The following GRM4 variants were observed in gnomAD, a reference collection of about 807,000 sequenced individuals.
GRM4 encodes glutamate metabotropic receptor 4.
GRM4 carries 28 observed loss-of-function variants against 81.7 expected under a neutral mutation model. The ratio of observed to expected loss-of-function variants is 0.34; its 90% confidence interval spans 0.25 to 0.47. GRM4 has a LOEUF of 0.47. Ranked by LOEUF, GRM4 falls within the 20% of genes least tolerant of loss-of-function variation. The pLI is 1.00. For missense variants in GRM4, 948 were observed against 1,290.0 expected (o/e 0.73, Z 4.06); for synonymous variants, 488 against 528.8 (o/e 0.92, Z 1.06).
In GRM4 at chr6:34,136,595, C is replaced by CAT. The variant is rs1770467949; in HGVS notation, c.-363-2737_-363-2736insAT. Reference sequence around the variant, plus strand: ...ACACACACACACACACACACACACACACACACACACGGGGAAGGACAGATG... The same window carrying CAT: ...ACACACACACACACACACACACACACATACACACACACGGGGAAGGACAGATG... On this transcript the variant is annotated intron_variant, in intron 1 of 10. Coordinates refer to ENST00000538487, the MANE Select transcript of GRM4 (RefSeq NM_000841.4). This position sits in a 1 kb window ranked among gnomAD's most constrained non-coding sequence, Gnocchi z 4.1. Among the ~76,000 whole-genome samples the CAT allele has an allele frequency of 6.6e-6, 1 of 151,626 alleles. No individual in the cohort carries two copies. The highest frequency in any genetic ancestry group is 2.4e-5 in the African/African-American group (1 of 41,254).
intron 6 of GRM4, among the ~76,000 whole-genome samples, chr6:34,046,281 CACAT>C (rs1438573866): frequency 4.6e-5 from 7 of 152,198 alleles, no homozygotes; most frequent in Admixed American, 3.3e-4. Flanking sequence ...TGTCTACACA[CACAT>C]GCATGCTCTA....
intron 2 of GRM4, among the ~76,000 whole-genome samples, chr6:34,097,675 C>A (rs767386464): frequency 6.6e-6 from 1 of 152,196 alleles, no homozygotes; most frequent in Non-Finnish European, 1.5e-5. Flanking sequence ...CCACATCCCA[C>A]ACCATCCAAA....
At chr6:34,119,121 C>G (rs573779477) in intron 2 of GRM4, among the ~76,000 whole-genome samples, 1 of 152,308 alleles carries the variant, frequency 6.6e-6, no homozygotes, top group South Asian at 2.1e-4. Context: ...TGAGGCCGGG[C>G]ACAGTGGATC....
rs188126655 is a variant in GRM4 at position 34,047,335 on chromosome 6, G to T, written c.1169-6587C>A. Among the ~76,000 whole-genome samples the T allele has an allele frequency of 6.6e-6, 1 of 151,990 alleles. No homozygotes were observed. Among genetic ancestry groups the T allele is most frequent in the Non-Finnish European group, 1.5e-5 (1 of 67,990 alleles). On this transcript the variant is annotated intron_variant, in intron 6 of 10. Coordinates refer to ENST00000538487, the MANE Select transcript of GRM4 (RefSeq NM_000841.4). The surrounding 1 kb of genome is among the most constrained non-coding windows in gnomAD (Gnocchi z 4.5). ...ATGCGATGGGCGAGGGATGCCCACC[G>T]CATAGACAGACCCAGACCTAGCCCA...
chr6:34,150,123 C>G (rs375015057), upstream of GRM4, among the ~76,000 whole-genome samples: 7 of 152,304 alleles, frequency 4.6e-5, no homozygotes, highest in South Asian at 2.1e-4. Context: ...CTGTAATCAT[C>G]CCATTTGGAC....
At chr6:34,117,758 C>T (rs1316879766) in intron 2 of GRM4, among the ~76,000 whole-genome samples, 1 of 152,194 alleles carries the variant, frequency 6.6e-6, no homozygotes, top group East Asian at 1.9e-4. Context: ...ATGATAACCG[C>T]TCCAATTAGG....
In GRM4 at chr6:34,146,037, G is replaced by C. The variant is rs892725151; in HGVS notation, c.-401C>G. The C allele has an allele frequency of 9.1e-6, 9 of 985,210 alleles. No homozygotes were observed. The highest frequency in any genetic ancestry group is 5.2e-5 in the African/African-American group (3 of 57,210). 61.0% of individuals were successfully genotyped at this position (985,210 alleles called of 1,614,324 possible). ...GCGGGGACCCCTTCTCACCCCAGAG[G>C]GGGAGGGTCAGGAACATAGCCTCCC... On this transcript the variant is annotated 5_prime_UTR_variant, in exon 1 of 11. Coordinates refer to ENST00000538487, the MANE Select transcript of GRM4 (RefSeq NM_000841.4).
chr6:34,044,935 C>T (rs546052819), intron 6 of GRM4, among the ~76,000 whole-genome samples: 1 of 151,572 alleles, frequency 6.6e-6, no homozygotes, highest in Non-Finnish European at 1.5e-5. Context: ...CACAGACACA[C>T]ACACACATAG....
At chr6:34,124,354 C>T (rs777833648) in intron 2 of GRM4, among the ~76,000 whole-genome samples, 1 of 152,216 alleles carries the variant, frequency 6.6e-6, no homozygotes, top group Non-Finnish European at 1.5e-5. Context: ...AAGGCCCCCC[C>T]ACCAACCCTG....
chr6:34,044,277 T>TACACACAC (rs764242535), intron 6 of GRM4, among the ~76,000 whole-genome samples: 1 of 99,308 alleles, frequency 1.0e-5, no homozygotes, highest in East Asian at 3.3e-4. Flanking sequence ...CATATACACA[T>TACACACAC]ACACACACAC....
Position 34,040,531 on chromosome 6 carries a change from C to CCGCA in GRM4, c.1369+13_1369+16dup, listed in dbSNP as rs760000050. ...CAGGATACCCAGGGTCAGGCACAGT[C>CCGCA]CGCACCACACCCCCACCTGAGAAGT... On this transcript the variant is annotated intron_variant, in intron 7 of 10. Coordinates refer to ENST00000538487, the MANE Select transcript of GRM4 (RefSeq NM_000841.4). 2.5e-6 allele frequency: 4 copies of CCGCA among 1,606,526 alleles called. No homozygotes were observed. In the East Asian group the frequency reaches 9.0e-5, roughly 36 times the overall value.
intron 3 of GRM4, among the ~76,000 whole-genome samples, chr6:34,077,785 T>C (rs2127475894): frequency 6.6e-6 from 1 of 152,320 alleles, no homozygotes; most frequent in Non-Finnish European, 1.5e-5. Context: ...TTCTTAAGGA[T>C]TCAGCTCGGG....
chr6:34,147,432 A>T (rs1020216810), upstream of GRM4, among the ~76,000 whole-genome samples: 1 of 152,206 alleles, frequency 6.6e-6, no homozygotes, highest in Non-Finnish European at 1.5e-5. Flanking sequence ...AGGGAACTCA[A>T]GTTATTCCTG....
chr6:34,118,179 C>T (rs1273217395), intron 2 of GRM4, among the ~76,000 whole-genome samples: 1 of 152,218 alleles, frequency 6.6e-6, no homozygotes, highest in Non-Finnish European at 1.5e-5. Context: ...TTATGCTTTG[C>T]TGTTTTCTTC....
chr6:34,033,823 C>T (rs1001951206), intron 9 of GRM4, among the ~76,000 whole-genome samples: 3 of 152,206 alleles, frequency 2.0e-5, no homozygotes, highest in African/African-American at 4.8e-5. Flanking sequence ...CTGCAACCTC[C>T]GTCTCCCAAG....
Position 34,056,671 on chromosome 6 carries a change from G to A in GRM4, c.1041C>T (p.Tyr347=), listed in dbSNP as rs1765911650. The A allele has an allele frequency of 1.2e-6, 2 of 1,613,478 alleles. No homozygotes were observed. Among genetic ancestry groups the A allele is most frequent in the Non-Finnish European group, 1.7e-6 (2 of 1,179,828 alleles). The change falls in exon 6 of 11, where the codon TAC becomes TAT. Residue 347 remains tyrosine, a synonymous_variant. Transcript: ENST00000538487. The part of the protein sequence containing the change: ...KRMSVRGFDR[Y]FSSRTLDNNR... ...TGTTGTCCAGCGTGCGGCTGGAGAA[G>A]TAGCGGTCGAAGCCTGGCAGGGAAC...
In GRM4 at chr6:34,136,532, G is replaced by A. The variant is rs1187074422; in HGVS notation, c.-363-2673C>T. On this transcript the variant is annotated intron_variant, in intron 1 of 10. Coordinates refer to ENST00000538487, the MANE Select transcript of GRM4 (RefSeq NM_000841.4). The surrounding 1 kb of genome is among the most constrained non-coding windows in gnomAD (Gnocchi z 4.1). ...TGGCTTCTCCTTGAGGCCGGAGCAC[G>A]TCTGGGCTGAGCAGTGCATGCGCGC... is the stretch of plus-strand genomic sequence containing the variant. Among the ~76,000 whole-genome samples, 4 of 150,448 alleles carry A rather than the reference G, an allele frequency of 2.7e-5. No individual in the cohort carries two copies. Among genetic ancestry groups the A allele is most frequent in the Non-Finnish European group, 5.9e-5 (4 of 67,782 alleles).
chr6:34,096,772 G>A (rs549351435), intron 2 of GRM4, among the ~76,000 whole-genome samples: 1 of 152,380 alleles, frequency 6.6e-6, no homozygotes, highest in Admixed American at 6.5e-5. Flanking sequence ...TGACTGAGGG[G>A]TGGAAGGATG....
chr6:34,053,224 G>GA (rs1765696462), intron 6 of GRM4, among the ~76,000 whole-genome samples: 1 of 152,160 alleles, frequency 6.6e-6, no homozygotes. Context: ...ACACAGCAGG[G>GA]AGGAGGCAGA....
Sources: allele counts gnomAD v4.1 joint callset (sites outside exome capture counted in the v4.1 genomes callset), GRCh38; gene constraint gnomAD v4.1.1; non-coding constraint Gnocchi (gnomAD v3.1); transcripts MANE v1.5; gene names NCBI Gene and HGNC (gene_info 2026-07-23, HGNC 2026-07-21).